Variants in RNF126 observed in about 807,000 individuals in gnomAD.
RNF126 encodes the protein ring finger protein 126.
In RNF126, 20 loss-of-function variants were observed where a neutral mutation model predicts 41.9. The observed-to-expected ratio is 0.48, with a 90% CI of 0.34 to 0.69. The LOEUF is 0.69. RNF126 is among the 30% of genes least tolerant of loss of function. The pLI is 0.01. For missense variants in RNF126, 433 were observed against 460.6 expected, an observed-to-expected ratio of 0.94 and a Z score of 0.55; for synonymous variants, 239 against 202.9, an observed-to-expected ratio of 1.18 and a Z score of -1.51.
At chr19:653,010 G>A in intron 1 of RNF126, 126 bp from the exon 2 acceptor site, 1 of 890,250 alleles carries the variant, frequency 1.1e-6, no homozygotes, top group South Asian at 1.5e-5. Context: ...GCAGGCCAGG[G>A]TGGCTCCCAA....
rs992115652 is a variant in RNF126 at position 659,251 on chromosome 19, G to A, written c.75+3796C>T. On this transcript the variant is annotated intron_variant, in intron 1 of 8. Coordinates refer to ENST00000292363, the MANE Select transcript of RNF126 (RefSeq NM_194460.3). This position sits in a 1 kb window ranked among gnomAD's most constrained non-coding sequence, Gnocchi z 4.9. Reference sequence around the variant, plus strand: ...CGGGCCAGGCCGCCGCAGGGACCAGGAGAAGACAGGGTGGGCCGGGGGGCA... The same window carrying A: ...CGGGCCAGGCCGCCGCAGGGACCAGAAGAAGACAGGGTGGGCCGGGGGGCA... Among the ~76,000 whole-genome samples the A allele has an allele frequency of 6.6e-6, 1 of 152,136 alleles. No homozygotes were observed. Among genetic ancestry groups the A allele is most frequent in the Non-Finnish European group, 1.5e-5 (1 of 68,004 alleles).
Position 662,402 on chromosome 19 carries a change from A to C in RNF126, c.75+645T>G, listed in dbSNP as rs2030844049. The stretch of plus-strand genomic sequence containing the variant: ...TGGAGGAAGGGTGGGCTGCGCAGCC[A>C]AGCCCCGGGAGGGGAGGAACGCAGG... On this transcript the variant is annotated intron_variant, in intron 1 of 8. Coordinates refer to ENST00000292363, the MANE Select transcript of RNF126 (RefSeq NM_194460.3). Among the ~76,000 whole-genome samples, 3 of 152,168 alleles carry C rather than the reference A, an allele frequency of 2.0e-5. No homozygotes were observed. In the South Asian group the frequency reaches 6.2e-4, roughly 31 times the overall value.
chr19:656,020 G>A (rs1216370792), intron 1 of RNF126, among the ~76,000 whole-genome samples: 1 of 152,032 alleles, frequency 6.6e-6, no homozygotes, highest in Non-Finnish European at 1.5e-5. Flanking sequence ...GGGGATGTGT[G>A]AGCACCAGGG....
At chr19:660,581 G>A (rs1004376580) in intron 1 of RNF126, among the ~76,000 whole-genome samples, 7 of 152,190 alleles carry the variant, frequency 4.6e-5, no homozygotes, top group Non-Finnish European at 8.8e-5. Context: ...TGCCAGATAC[G>A]GAGCAGCCGT....
At chr19:651,085 G>A (rs1213823241) in intron 4 of RNF126, among the ~76,000 whole-genome samples, 1 of 152,084 alleles carries the variant, frequency 6.6e-6, no homozygotes, top group African/African-American at 2.4e-5. Context: ...AACCATAAAA[G>A]CATCAACCGC....
At chr19:656,111 G>C (rs1359803867) in intron 1 of RNF126, among the ~76,000 whole-genome samples, 2 of 152,138 alleles carry the variant, frequency 1.3e-5, no homozygotes, top group Non-Finnish European at 2.9e-5. Context: ...TGTGGAATTA[G>C]ACTGTGGTGG....
At chr19:651,450 G>A (rs764232720) in intron 4 of RNF126, 161 bp downstream of exon 4, 11 of 607,310 alleles carry the variant, frequency 1.8e-5, no homozygotes, top group Non-Finnish European at 2.8e-5. Context: ...CCGAAGGGCC[G>A]TGTGGGGAGT....
rs2030881457 is a variant in RNF126 at position 663,086 on chromosome 19, G to A, written c.36C>T (p.Phe12=). Residue 12 remains phenylalanine (F), a synonymous_variant, in exon 1 of 9, where the codon TTC becomes TTT. Coordinates refer to ENST00000292363, the MANE Select transcript of RNF126 (RefSeq NM_194460.3). The part of the protein sequence containing the change: ...AEASPHPGRY[F]CHCCSVEIVP... The stretch of plus-strand genomic sequence containing the variant: ...CGATCTCCACGGAGCAGCAGTGGCA[G>A]AAGTACCGTCCGGGATGCGGCGACG... The A allele has an allele frequency of 8.8e-6, 12 of 1,362,320 alleles. No homozygotes were observed. Among genetic ancestry groups the A allele is most frequent in the Non-Finnish European group, 1.1e-5 (12 of 1,051,432 alleles). 84.4% of individuals were successfully genotyped at this position (1,362,320 alleles called of 1,614,324 possible). A position where few individuals can be genotyped will look rare whatever the true frequency, so the allele number is the denominator to read the frequency against.
rs1411886034 is a variant in RNF126 at position 659,297 on chromosome 19, G to C, written c.75+3750C>G. 6.6e-6 allele frequency among the ~76,000 whole-genome samples: 1 copy of C among 152,170 alleles called. No homozygotes were observed. The highest frequency in any genetic ancestry group is 1.5e-5 in the Non-Finnish European group (1 of 68,002). ...GGGCAGCTGGGGAGACTTCCCGCCT[G>C]GCCCCATCAGTGACACTGGCCGTAG... On this transcript the variant is annotated intron_variant, in intron 1 of 8. Coordinates refer to ENST00000292363, the MANE Select transcript of RNF126 (RefSeq NM_194460.3). This position sits in a 1 kb window ranked among gnomAD's most constrained non-coding sequence, Gnocchi z 4.9.
intron 1 of RNF126, among the ~76,000 whole-genome samples, chr19:662,432 G>A (rs1390644978): frequency 6.6e-6 from 1 of 152,158 alleles, no homozygotes; most frequent in Non-Finnish European, 1.5e-5. Context: ...CGCAGGCTCT[G>A]CTCACAAAGC....
At chr19:649,372 G>T (rs2030157645) in intron 6 of RNF126, 2 of 424,420 alleles carry the variant, frequency 4.7e-6, no homozygotes, top group Non-Finnish European at 4.2e-6. Context: ...TTGGAAGCAG[G>T]TCAGGGCGCG....
Position 663,152 on chromosome 19 carries a change from C to T in RNF126, c.-31G>A. 1.2e-5 allele frequency: 14 copies of T among 1,126,220 alleles called. No individual in the cohort carries two copies. The highest frequency in any genetic ancestry group is 1.7e-5 in the African/African-American group (1 of 60,410). 69.8% of individuals were successfully genotyped at this position (1,126,220 alleles called of 1,614,324 possible). ...CCGCCACCTACTCCGCGCCGCCCGC[C>T]CCCCGCGCGGCACCCGCCGCCGGCC... On this transcript the variant is annotated 5_prime_UTR_variant, in exon 1 of 9. Transcript: ENST00000292363.
At position 648,207 on chromosome 19, in the gene RNF126, G is replaced by A; in HGVS notation, c.857C>T (p.Thr286Ile). 6.2e-7 allele frequency: 1 copy of A among 1,606,090 alleles called. No homozygotes were observed. The highest frequency in any genetic ancestry group is 8.5e-7 in the Non-Finnish European group (1 of 1,176,232). Residue 286 changes from threonine (T) to isoleucine (I), a missense_variant, in exon 9 of 9, where the codon ACT becomes ATT. Coordinates refer to ENST00000292363, the MANE Select transcript of RNF126 (RefSeq NM_194460.3). ...CGACGAGGAGGAGAAGCTCACCCCAGTGAGGCCAGGGGGGTTCGTGGCCGT... is the reference window on the plus strand; with the variant it reads ...CGACGAGGAGGAGAAGCTCACCCCAATGAGGCCAGGGGGGTTCGTGGCCGT... ...QNTATNPPGL[T>I]GVSFSSSSSS...
rs1187393357 is a variant in RNF126 at position 659,247 on chromosome 19, C to A, written c.75+3800G>T. On this transcript the variant is annotated intron_variant, in intron 1 of 8. Transcript: ENST00000292363. This position sits in a 1 kb window ranked among gnomAD's most constrained non-coding sequence, Gnocchi z 4.9. ...GACTCGGGCCAGGCCGCCGCAGGGA[C>A]CAGGAGAAGACAGGGTGGGCCGGGG... 6.6e-6 allele frequency among the ~76,000 whole-genome samples: 1 copy of A among 152,140 alleles called. No homozygotes were observed. Among genetic ancestry groups the A allele is most frequent in the Non-Finnish European group, 1.5e-5 (1 of 68,006 alleles).
chr19:652,500 G>GACCCCAACA lies in RNF126; in HGVS notation c.135-213_135-205dup, dbSNP rs199988837. Reference sequence around the variant, plus strand: ...ACGGGTTTCTCGATAAACCGGTGCAGACCCCAACAGCCTCCTAAGCGTGAG... The same window carrying GACCCCAACA: ...ACGGGTTTCTCGATAAACCGGTGCAGACCCCAACAACCCCAACAGCCTCCTAAGCGTGAG... On this transcript the variant is annotated intron_variant, in intron 2 of 8. Coordinates refer to ENST00000292363, the MANE Select transcript of RNF126 (RefSeq NM_194460.3). 4.0e-3 allele frequency: 2,373 copies of GACCCCAACA among 600,284 alleles called. 9 individuals carry two copies. Among genetic ancestry groups the GACCCCAACA allele is most frequent in the Non-Finnish European group, 6.1e-3 (2,097 of 341,694 alleles). The allele number at this position is 600,284 out of a possible 1,614,324, so 37.2% of individuals were successfully genotyped here. A position where few individuals can be genotyped will look rare whatever the true frequency, so the allele number is the denominator to read the frequency against.
chr19:651,167 C>T (rs1404220276), intron 4 of RNF126, among the ~76,000 whole-genome samples: 1 of 151,074 alleles, frequency 6.6e-6, no homozygotes, highest in Non-Finnish European at 1.5e-5. Flanking sequence ...ACGGCTCCCC[C>T]AGGCTCTGTT....
At chr19:653,745 TG>T (rs1186560210) in intron 1 of RNF126, among the ~76,000 whole-genome samples, 2 of 152,038 alleles carry the variant, frequency 1.3e-5, no homozygotes, top group African/African-American at 4.8e-5. Context: ...CCTGCAGAAC[TG>T]GAAACTGGAA....
In RNF126 at chr19:648,018, C is replaced by A; in HGVS notation, c.*110G>T. On this transcript the variant is annotated 3_prime_UTR_variant, in exon 9 of 9. Transcript: ENST00000292363. ...CCTGGAACAGGCGGGACCTGCAGCGCTGACCAGCCAAGCGTGGCGCCGCCG... is the reference window on the plus strand; with the variant it reads ...CCTGGAACAGGCGGGACCTGCAGCGATGACCAGCCAAGCGTGGCGCCGCCG... The A allele has an allele frequency of 1.5e-6, 2 of 1,300,658 alleles. No homozygotes were observed. Among genetic ancestry groups the A allele is most frequent in the African/African-American group, 1.5e-5 (1 of 66,996 alleles). The allele number at this position is 1,300,658 out of a possible 1,614,324, so 80.6% of individuals were successfully genotyped here.
intron 1 of RNF126, among the ~76,000 whole-genome samples, chr19:660,643 G>A (rs953030241): frequency 3.9e-5 from 6 of 152,114 alleles, no homozygotes; most frequent in South Asian, 2.1e-4. Flanking sequence ...TAAAAAATTC[G>A]TTTTTGAGAC....
Sources: gnomAD v4.1 joint callset for allele counts (sites outside exome capture counted in the v4.1 genomes callset) on GRCh38, gnomAD v4.1.1 for gene constraint, Gnocchi (gnomAD v3.1) non-coding constraint, MANE v1.5 for transcripts, NCBI Gene and HGNC (gene_info 2026-07-23, HGNC 2026-07-21) for gene names.